AMTN: variants seen among roughly 807,000 people sequenced by gnomAD.
AMTN encodes the protein amelotin, also known as RSTI689.
In AMTN, 29 loss-of-function variants were observed where a neutral mutation model predicts 27.4. The ratio of observed to expected loss-of-function variants is 1.06; its 90% CI spans 0.79 to 1.44. The LOEUF is 1.44. Among genes scored for constraint, AMTN ranks in the 40% most tolerant of loss-of-function variants. AMTN has a pLI of 0.00. For synonymous variants in AMTN, 86 were observed against 95.7 expected (o/e 0.90, Z 0.59); for missense variants, 247 against 248.8 (o/e 0.99, Z 0.05).
At chr4:70,530,264 C>T (rs1736193116) in intron 7 of AMTN, among the ~76,000 whole-genome samples, 1 of 151,986 alleles carries the variant, frequency 6.6e-6, no homozygotes, top group African/African-American at 2.4e-5. Context: ...AAACAGCATT[C>T]ACCTTTACTA....
rs1393167017 is a variant in AMTN, at chr4:70,518,880, T to G, written c.54+49T>G. On this transcript the variant is annotated intron_variant, in intron 2 of 8. Coordinates refer to ENST00000339336, the MANE Select transcript of AMTN (RefSeq NM_212557.4). ...TATGCCAGCCAGTTTCAACAGCATC[T>G]CTAGCTGCAGACCTACCTCTCTCCT... 2.0e-6 allele frequency: 3 copies of G among 1,469,564 alleles called. No individual in the cohort carries two copies. In the South Asian group the frequency reaches 3.4e-5, roughly 17 times the overall value. The allele number at this position is 1,469,564 out of a possible 1,614,324, so 91.0% of individuals were successfully genotyped here. A position where few individuals can be genotyped will look rare whatever the true frequency, so the allele number is the denominator to read the frequency against.
chr4:70,527,857 TATA>T (rs1409287890), intron 5 of AMTN, among the ~76,000 whole-genome samples: 2 of 152,220 alleles, frequency 1.3e-5, no homozygotes, highest in Admixed American at 1.3e-4. Context: ...GAACTAAATT[TATA>T]ATATTTAGTT....
At chr4:70,530,221 GCA>G (rs3223259) in intron 7 of AMTN, among the ~76,000 whole-genome samples, 67,834 of 150,110 alleles carry the variant, frequency 0.45, 16,807 homozygotes, top group Admixed American at 0.56. Flanking sequence ...ATGCAGCTTA[GCA>G]CACACACACA....
chr4:70,526,911 G>A (rs1396498951), intron 5 of AMTN, among the ~76,000 whole-genome samples: 1 of 152,130 alleles, frequency 6.6e-6, no homozygotes, highest in Non-Finnish European at 1.5e-5. Context: ...GGCAGCTCTA[G>A]TCCCTCCAAC....
intron 2 of AMTN, among the ~76,000 whole-genome samples, chr4:70,520,409 C>A (rs1391311359): frequency 6.6e-6 from 1 of 152,102 alleles, no homozygotes; most frequent in Non-Finnish European, 1.5e-5. Context: ...TGGACACATA[C>A]AACAGCCTAG....
Position 70,524,888 on chromosome 4 carries a change from G to C in AMTN, c.221G>C (p.Gly74Ala). The change falls in exon 5 of 9, where the codon GGA (glycine) becomes GCA (alanine). Residue 74 changes from glycine (G) to alanine (A), a missense_variant. Transcript: ENST00000339336. ...PDLHLLNPAAGMTPGTQTHPL... is the reference protein window; with the variant it reads ...PDLHLLNPAAAMTPGTQTHPL... Reference sequence around the variant, plus strand: ...GCCCTACAGTTAAATCCTGCTGCAGGAATGACACCTGGTACCCAGACCCAC... The same window carrying C: ...GCCCTACAGTTAAATCCTGCTGCAGCAATGACACCTGGTACCCAGACCCAC... 1 of 1,614,016 alleles carries C rather than the reference G, an allele frequency of 6.2e-7. No homozygotes were observed. The highest frequency in any genetic ancestry group is 8.5e-7 in the Non-Finnish European group (1 of 1,179,958).
At chr4:70,528,566 C>T (rs1262064710) in intron 5 of AMTN, among the ~76,000 whole-genome samples, 157 bp from the exon 6 acceptor site, 1 of 152,194 alleles carries the variant, frequency 6.6e-6, no homozygotes, top group East Asian at 1.9e-4. Flanking sequence ...AGGAGAATCA[C>T]TTGAACCCAG....
At position 70,532,412 on chromosome 4, in the gene AMTN, A is replaced by G. The variant is rs776835708; in HGVS notation, c.620-43A>G. 4.7e-6 allele frequency: 7 copies of G among 1,494,524 alleles called. 1 individual carries two copies. The South Asian group carries it at 7.1e-5, about 15-fold the overall frequency. The allele number at this position is 1,494,524 out of a possible 1,614,324, so 92.6% of individuals were successfully genotyped here. On this transcript the variant is annotated intron_variant, in intron 8 of 8. Transcript: ENST00000339336. ...CAAGTAAAAGATATTTATGTTAAAT[A>G]TACTTTTTACCTACATTTAAAAGGT...
rs201717288 is a variant in AMTN at position 70,524,900 on chromosome 4, G to A, written c.233G>A (p.Gly78Asp). The change falls in exon 5 of 9, where the codon GGT becomes GAT. Residue 78 changes from glycine (G) to aspartate (D), a missense_variant. Coordinates refer to ENST00000339336, the MANE Select transcript of AMTN (RefSeq NM_212557.4). The stretch of plus-strand genomic sequence containing the variant: ...AATCCTGCTGCAGGAATGACACCTG[G>A]TACCCAGACCCACCCATTGACCCTG... ...LLNPAAGMTP[G>D]TQTHPLTLGG... 2.2e-5 allele frequency: 35 copies of A among 1,613,948 alleles called. No individual in the cohort carries two copies. The East Asian group carries it at 6.0e-4, about 28-fold the overall frequency.
chr4:70,520,941 T>C (rs1410524205), intron 2 of AMTN, among the ~76,000 whole-genome samples: 1 of 152,046 alleles, frequency 6.6e-6, no homozygotes, highest in East Asian at 1.9e-4. Flanking sequence ...AGGAATGGAC[T>C]TTACCTGTTG....
chr4:70,524,768 A>G (rs1351134061), intron 4 of AMTN, 104 bp from the exon 5 acceptor site: 15 of 1,065,626 alleles, frequency 1.4e-5, no homozygotes, highest in Non-Finnish European at 2.0e-5. Context: ...TTACATAGCA[A>G]CTCCTTCCTT....
chr4:70,532,281 G>A (rs144681522), intron 8 of AMTN, among the ~76,000 whole-genome samples, 174 bp from the exon 9 acceptor site: 85 of 152,276 alleles, frequency 5.6e-4, no homozygotes, highest in African/African-American at 1.8e-3. Context: ...GCACCCACAA[G>A]CAAAGTTAAT....
At position 70,532,658 on chromosome 4, in the gene AMTN, A is replaced by G; in HGVS notation, c.*193A>G. The stretch of plus-strand genomic sequence containing the variant: ...GTAGAGAATCCCAACTTTTAAAAAC[A>G]ATAATTCAATGGATAAATCTGTCTT... On this transcript the variant is annotated 3_prime_UTR_variant, in exon 9 of 9. Transcript: ENST00000339336. 2.0e-6 allele frequency: 1 copy of G among 511,058 alleles called. No individual in the cohort carries two copies. Among genetic ancestry groups the G allele is most frequent in the African/African-American group, 2.0e-5 (1 of 50,202 alleles). The allele number at this position is 511,058 out of a possible 1,614,324, so 31.7% of individuals were successfully genotyped here. A position where few individuals can be genotyped will look rare whatever the true frequency, so the allele number is the denominator to read the frequency against.
chr4:70,523,159 T>C (rs1269080894), intron 3 of AMTN, among the ~76,000 whole-genome samples: 2 of 152,206 alleles, frequency 1.3e-5, no homozygotes, highest in African/African-American at 2.4e-5. Flanking sequence ...TGGTCATCTA[T>C]GGACTTGAGG....
At chr4:70,522,268 T>C (rs1353571704) in intron 2 of AMTN, among the ~76,000 whole-genome samples, 1 of 152,128 alleles carries the variant, frequency 6.6e-6, no homozygotes, top group Non-Finnish European at 1.5e-5. Flanking sequence ...TCAGTGATTT[T>C]TAATACACTA....
chr4:70,521,554 A>C (rs1248699046), intron 2 of AMTN, among the ~76,000 whole-genome samples: 1 of 145,778 alleles, frequency 6.9e-6, no homozygotes, highest in Non-Finnish European at 1.5e-5. Flanking sequence ...ATTTATATAT[A>C]TTATATATAT....
chr4:70,528,192 C>A (rs1736138613), intron 5 of AMTN, among the ~76,000 whole-genome samples: 1 of 150,846 alleles, frequency 6.6e-6, no homozygotes, highest in East Asian at 1.9e-4. Context: ...CTTCTATCTT[C>A]TAAATGTGCT....
At chr4:70,525,598 G>T (rs1289720283) in intron 5 of AMTN, among the ~76,000 whole-genome samples, 6 of 152,238 alleles carry the variant, frequency 3.9e-5, no homozygotes. Flanking sequence ...TCTAAATAGT[G>T]TAATAGGCTC....
chr4:70,532,583 T>C lies in AMTN; in HGVS notation c.*118T>C, dbSNP rs1160236922. 1.1e-6 allele frequency: 1 copy of C among 918,792 alleles called. No individual in the cohort carries two copies. Among genetic ancestry groups the C allele is most frequent in the Non-Finnish European group, 1.6e-6 (1 of 609,444 alleles). 56.9% of individuals were successfully genotyped at this position (918,792 alleles called of 1,614,324 possible). On this transcript the variant is annotated 3_prime_UTR_variant, in exon 9 of 9. Transcript: ENST00000339336. ...ATTGGATAGTCTTAGAAGAAATTAA[T>C]TCTTAATTTACCTGAAAATATTCTT...
Sources: allele counts gnomAD v4.1 joint callset (sites outside exome capture counted in the v4.1 genomes callset), GRCh38; gene constraint gnomAD v4.1.1; transcripts MANE v1.5; gene names NCBI Gene and HGNC (gene_info 2026-07-23, HGNC 2026-07-21).